Variants in XPOT observed in about 807,000 individuals in gnomAD.
XPOT encodes exportin-T.
Under a neutral mutation model 128.2 loss-of-function variants are expected in XPOT, and 34 were observed. That is an observed-to-expected ratio of 0.27 (90% CI 0.20 to 0.35). XPOT has a LOEUF of 0.35. Among genes scored for constraint, XPOT ranks in the 10% least tolerant of loss-of-function variants. The probability of loss-of-function intolerance (pLI) is 1.00; values close to 1 mark genes in which losing one functional copy is unlikely to be tolerated. For missense variants in XPOT, 838 were observed against 1,125.3 expected (o/e 0.74, Z 3.65); for synonymous variants, 348 against 394.3 (o/e 0.88, Z 1.39).
At chr12:64,441,675 A>T (rs1340328502) in intron 23 of XPOT, among the ~76,000 whole-genome samples, 2 of 152,028 alleles carry the variant, frequency 1.3e-5, no homozygotes, top group Non-Finnish European at 2.9e-5. Context: ...GCTTTTTAAA[A>T]TTTTTTAAAT....
intron 23 of XPOT, among the ~76,000 whole-genome samples, chr12:64,440,826 GT>G (rs1164515990): frequency 1.3e-5 from 2 of 152,062 alleles, no homozygotes; most frequent in Non-Finnish European, 2.9e-5. Flanking sequence ...AATTAGAGGA[GT>G]TTTTTTATAT....
intron 11 of XPOT, among the ~76,000 whole-genome samples, chr12:64,423,895 G>A (rs1480010114): frequency 6.6e-6 from 1 of 152,146 alleles, no homozygotes; most frequent in Non-Finnish European, 1.5e-5. Context: ...GTGGAAATGA[G>A]GCGCTCTAGA....
chr12:64,441,301 G>A (rs2040322609), intron 23 of XPOT, among the ~76,000 whole-genome samples: 1 of 152,136 alleles, frequency 6.6e-6, no homozygotes, highest in African/African-American at 2.4e-5. Context: ...AAGAGAGAGG[G>A]TCTCACTCTG....
intron 17 of XPOT, 98 bp from the exon 18 acceptor site, chr12:64,431,440 T>C (rs1188034825): frequency 1.6e-6 from 2 of 1,242,302 alleles, no homozygotes; most frequent in African/African-American, 1.5e-5. Flanking sequence ...TTATTTAGTT[T>C]TGTTAATTTT....
At chr12:64,415,060 T>G (rs1272430654) in intron 3 of XPOT, 71 bp downstream of exon 3, 32 of 950,874 alleles carry the variant, frequency 3.4e-5, no homozygotes, top group Non-Finnish European at 4.9e-5. Context: ...AATTTACCTG[T>G]ATTTGGAAAG....
intron 14 of XPOT, 141 bp from the exon 15 acceptor site, chr12:64,425,674 G>A (rs1056292281): frequency 2.6e-5 from 26 of 987,374 alleles, no homozygotes; most frequent in Non-Finnish European, 3.8e-5. Context: ...TTTGTGTGTA[G>A]TTTAGAATTA....
Position 64,421,462 on chromosome 12 carries a change from TTTGAAA to T in XPOT, c.1072_1077del (p.Leu358_Lys359del). 1 of 1,606,990 alleles carries T rather than the reference TTTGAAA, an allele frequency of 6.2e-7. No individual in the cohort carries two copies. Among genetic ancestry groups the T allele is most frequent in the Non-Finnish European group, 8.5e-7 (1 of 1,173,650 alleles). ...GATTTTGTTACGATTATCTTCATAT[TTTGAAA>T]CAGGTAAGTTTTTGTTTTATTCTTT... On this transcript the variant is annotated inframe_deletion, in exon 9 of 25. Coordinates refer to ENST00000332707, the MANE Select transcript of XPOT (RefSeq NM_007235.6).
rs113311658 is a variant in XPOT at position 64,416,891 on chromosome 12, C to T, written c.200+137C>T. 109 of 796,988 alleles carry T rather than the reference C, an allele frequency of 1.4e-4. No homozygotes were observed. The East Asian group carries it at 1.4e-3, about 11-fold the overall frequency. The allele number at this position is 796,988 out of a possible 1,614,324, so 49.4% of individuals were successfully genotyped here. A position where few individuals can be genotyped will look rare whatever the true frequency, so the allele number is the denominator to read the frequency against. On this transcript the variant is annotated intron_variant, in intron 4 of 24. Transcript: ENST00000332707. ...ATATGTTATATCCAGGTTATAGATA[C>T]GTTTTGATGTACCCCAAAGTGTTTT...
At chr12:64,417,248 A>G (rs745504123) in intron 4 of XPOT, among the ~76,000 whole-genome samples, 7 of 152,310 alleles carry the variant, frequency 4.6e-5, no homozygotes, top group Middle Eastern at 3.4e-3. Flanking sequence ...TGTTGGTTAC[A>G]CATAAAAATC....
intron 11 of XPOT, among the ~76,000 whole-genome samples, chr12:64,424,074 G>A (rs2040168155): frequency 6.6e-6 from 1 of 152,172 alleles, no homozygotes; most frequent in Non-Finnish European, 1.5e-5. Flanking sequence ...GTTGTAAAAG[G>A]ATAATAGTGG....
intron 23 of XPOT, among the ~76,000 whole-genome samples, chr12:64,440,794 G>A (rs1218234371): frequency 6.6e-6 from 1 of 152,092 alleles, no homozygotes; most frequent in African/African-American, 2.4e-5. Flanking sequence ...TTCTAATCAA[G>A]TTATTAAGTT....
intron 2 of XPOT, among the ~76,000 whole-genome samples, chr12:64,410,592 G>T (rs1565793865): frequency 6.6e-6 from 1 of 151,970 alleles, no homozygotes; most frequent in African/African-American, 2.4e-5. Flanking sequence ...AAAATGCTAG[G>T]ATTATAGGCA....
chr12:64,411,895 T>C (rs1488862219), intron 2 of XPOT, among the ~76,000 whole-genome samples: 2 of 150,880 alleles, frequency 1.3e-5, no homozygotes, highest in Non-Finnish European at 3.0e-5. Flanking sequence ...TAGGACTTGT[T>C]TGTCAGTGTT....
At chr12:64,410,934 T>C (rs930546475) in intron 2 of XPOT, among the ~76,000 whole-genome samples, 1 of 152,176 alleles carries the variant, frequency 6.6e-6, no homozygotes, top group Non-Finnish European at 1.5e-5. Context: ...AGAATACTTT[T>C]TATAAATGAG....
rs2136017070 is a variant in XPOT, at chr12:64,417,906, G to A, written c.201-140G>A. ...CTTATCTTTAAAGCAATGATGAGTG[G>A]CATTATCAGTTTATGTTAGGGAACT... On this transcript the variant is annotated intron_variant, in intron 4 of 24. Transcript: ENST00000332707. 1.1e-5 allele frequency: 6 copies of A among 538,934 alleles called. No homozygotes were observed. In the South Asian group the frequency reaches 2.0e-4, roughly 18 times the overall value. 33.4% of individuals were successfully genotyped at this position (538,934 alleles called of 1,614,324 possible).
intron 23 of XPOT, among the ~76,000 whole-genome samples, chr12:64,443,556 G>A (rs1226139897): frequency 1.3e-5 from 2 of 152,114 alleles, no homozygotes; most frequent in Non-Finnish European, 2.9e-5. Flanking sequence ...CCGGGTTTAA[G>A]CAATTCTTCC....
In XPOT at chr12:64,449,779, T is replaced by C. The variant is rs2040395454; in HGVS notation, c.*1648T>C. On this transcript the variant is annotated 3_prime_UTR_variant, in exon 25 of 25. Transcript: ENST00000332707. Reference sequence around the variant, plus strand: ...GAAAGCTGAGTGTTTCTTTGATAGGTTCCCCTGTACTATAGGAGTGATAAT... The same window carrying C: ...GAAAGCTGAGTGTTTCTTTGATAGGCTCCCCTGTACTATAGGAGTGATAAT... 1 of 152,248 alleles carries C rather than the reference T, an allele frequency of 6.6e-6. No homozygotes were observed. Among genetic ancestry groups the C allele is most frequent in the African/African-American group, 2.4e-5 (1 of 41,468 alleles). 9.4% of individuals were successfully genotyped at this position (152,248 alleles called of 1,614,324 possible). A position where few individuals can be genotyped will look rare whatever the true frequency, so the allele number is the denominator to read the frequency against.
At chr12:64,448,034 T>G in intron 24 of XPOT, 71 bp from the exon 25 acceptor site, 8 of 1,382,924 alleles carry the variant, frequency 5.8e-6, no homozygotes, top group Non-Finnish European at 7.2e-6. Flanking sequence ...CTCAGATACT[T>G]GGAGCCATTC....
chr12:64,412,304 C>CA (rs1235104360), intron 2 of XPOT, among the ~76,000 whole-genome samples: 1 of 152,106 alleles, frequency 6.6e-6, no homozygotes, highest in Non-Finnish European at 1.5e-5. Flanking sequence ...GGATTACAGG[C>CA]ATGACTCACC....
Sources: allele counts gnomAD v4.1 joint callset (sites outside exome capture counted in the v4.1 genomes callset), GRCh38; gene constraint gnomAD v4.1.1; transcripts MANE v1.5; gene names NCBI Gene and HGNC (gene_info 2026-07-23, HGNC 2026-07-21).